ARHGEF11: variants seen among roughly 807,000 people sequenced by gnomAD.
The protein encoded by ARHGEF11 is Rho guanine nucleotide exchange factor 11.
In ARHGEF11, 55 loss-of-function variants were observed where a neutral mutation model predicts 193.7. The observed-to-expected ratio is 0.28, with a 90% CI of 0.23 to 0.36. ARHGEF11 has a LOEUF of 0.36. ARHGEF11 is among the 10% of genes least tolerant of loss of function. The pLI is 1.00. For missense variants in ARHGEF11, 1,723 were observed against 2,005.6 expected (o/e 0.86, Z 2.69); for synonymous variants, 693 against 768.0 (o/e 0.90, Z 1.62).
chr1:156,996,724 G>C (rs1666549047), intron 1 of ARHGEF11, among the ~76,000 whole-genome samples: 1 of 124,192 alleles, frequency 8.1e-6, no homozygotes, highest in Admixed American at 1.0e-4. Flanking sequence ...AGTGAGCCGA[G>C]ATCACGCCAC....
At position 156,936,946 on chromosome 1, in the gene ARHGEF11, G is replaced by A. The variant is rs1445459756; in HGVS notation, c.4500C>T (p.Gly1500=). 1.9e-6 allele frequency: 3 copies of A among 1,614,106 alleles called. No individual in the cohort carries two copies. In the Admixed American group the frequency reaches 5.0e-5, roughly 27 times the overall value. ...LKSLGGESSG[G]TTPVGSFHTE... is the part of the protein sequence containing the mutation. ...TGTGGAAACTGCCCACAGGCGTGGT[G>A]CCACCAGATGACTCTCCCCCAAGGG... Residue 1500 remains glycine, a synonymous_variant, in exon 40 of 41, where the codon GGC becomes GGT. Coordinates refer to ENST00000368194, the MANE Select transcript of ARHGEF11 (RefSeq NM_198236.3).
intron 1 of ARHGEF11, among the ~76,000 whole-genome samples, chr1:157,042,767 GT>G (rs1482777879): frequency 1.3e-5 from 2 of 152,132 alleles, no homozygotes; most frequent in Non-Finnish European, 2.9e-5. Context: ...CAAAACTTGG[GT>G]TCCCATCTTC....
intron 1 of ARHGEF11, among the ~76,000 whole-genome samples, chr1:157,035,567 G>A (rs1450656384): frequency 2.6e-5 from 4 of 151,696 alleles, no homozygotes; most frequent in Admixed American, 1.3e-4. Flanking sequence ...CACCACGTGC[G>A]GCTAATTTTG....
At chr1:156,959,168 G>T (rs759142850) in intron 15 of ARHGEF11, 26 bp from the exon 16 acceptor site, 10 of 1,604,142 alleles carry the variant, frequency 6.2e-6, no homozygotes, top group Non-Finnish European at 8.5e-6. Flanking sequence ...AGAGAAAGCA[G>T]AGTGGATGGG....
At chr1:156,957,674 C>A in intron 18 of ARHGEF11, 118 bp downstream of exon 18, 1 of 1,161,384 alleles carries the variant, frequency 8.6e-7, no homozygotes, top group South Asian at 1.3e-5. Context: ...AACCACGGTC[C>A]TTCATGGTTG....
Position 157,045,377 on chromosome 1 carries a change from C to CG in ARHGEF11, c.-1048dup, listed in dbSNP as rs1673210472. The CG allele has an allele frequency of 6.6e-6, 1 of 152,340 alleles. No homozygotes were observed. The highest frequency in any genetic ancestry group is 2.4e-5 in the African/African-American group (1 of 41,442). The allele number at this position is 152,340 out of a possible 1,614,324, so 9.4% of individuals were successfully genotyped here. A position where few individuals can be genotyped will look rare whatever the true frequency, so the allele number is the denominator to read the frequency against. ...ATGAAACGGAGATTTCGCTTCCTCC[C>CG]GTTCCCCCTTCTCTCTCCCTCTCTC... On this transcript the variant is annotated 5_prime_UTR_variant, in exon 1 of 41. Coordinates refer to ENST00000368194, the MANE Select transcript of ARHGEF11 (RefSeq NM_198236.3).
chr1:156,978,229 C>G lies in ARHGEF11; in HGVS notation c.485G>C (p.Arg162Pro). 1.2e-6 allele frequency: 2 copies of G among 1,614,052 alleles called. No homozygotes were observed. The highest frequency in any genetic ancestry group is 1.7e-6 in the Non-Finnish European group (2 of 1,179,994). Residue 162 changes from arginine to proline, a missense_variant, in exon 6 of 41, where the codon CGC (arginine) becomes CCC (proline). Around this residue, in one of 5 missense-constraint regions of ARHGEF11, gnomAD observed 646 missense variants for 710.7 expected, o/e 0.91. Transcript: ENST00000368194. ...CTGCAGAGGTTTGGGTCCTGTGATG[C>G]GTTGTGGAGGTGGTAGAGGTGGAGG... ...PPPPPLPPPQ[R>P]ITGPKPLQDP...
intron 1 of ARHGEF11, among the ~76,000 whole-genome samples, chr1:157,023,686 A>C (rs950366907): frequency 5.3e-5 from 8 of 152,142 alleles, no homozygotes; most frequent in African/African-American, 1.7e-4. Context: ...GAATCATTTG[A>C]AACAGGGAGG....
chr1:156,982,641 T>C (rs990340406), intron 3 of ARHGEF11, among the ~76,000 whole-genome samples: 1 of 152,186 alleles, frequency 6.6e-6, no homozygotes, highest in Non-Finnish European at 1.5e-5. Context: ...TCTCTGGGTC[T>C]GACTCTGCTC....
intron 1 of ARHGEF11, among the ~76,000 whole-genome samples, chr1:157,011,294 G>A (rs1462843381): frequency 6.6e-6 from 1 of 152,106 alleles, no homozygotes; most frequent in African/African-American, 2.4e-5. Context: ...GCAAAATAAT[G>A]AAGCTAGACC....
Position 156,939,657 on chromosome 1 carries a change from G to C in ARHGEF11, c.3987C>G (p.Pro1329=), listed in dbSNP as rs756264591. 1.2e-6 allele frequency: 2 copies of C among 1,613,928 alleles called. No individual in the cohort carries two copies. The highest frequency in any genetic ancestry group is 1.7e-6 in the Non-Finnish European group (2 of 1,180,024). ...DMGLCSLEHL[P]PRTRNSGIWE... ...ATATCCCAGAATTTCTGGTCCTTGG[G>C]GGTAGGTGTTCCAGAGAACAGAGAC... The change falls in exon 37 of 41, where the codon CCC becomes CCG. Residue 1329 remains proline (P), a synonymous_variant. Transcript: ENST00000368194.
intron 19 of ARHGEF11, among the ~76,000 whole-genome samples, 156 bp downstream of exon 19, chr1:156,956,264 G>C (rs1374370290): frequency 6.6e-6 from 1 of 152,098 alleles, no homozygotes; most frequent in Admixed American, 6.6e-5. Flanking sequence ...TTATAGGCAT[G>C]CACCACTATG....
rs149811785 is a variant in ARHGEF11 at position 156,998,506 on chromosome 1, T to A, written c.33-12333A>T. ...TTTTCTGCGAACCTCAGTTTTCTCA[T>A]CTACAAAATGGGAATACTAGCCACC... is the stretch of plus-strand genomic sequence containing the variant. On this transcript the variant is annotated intron_variant, in intron 1 of 40. Coordinates refer to ENST00000368194, the MANE Select transcript of ARHGEF11 (RefSeq NM_198236.3). Among the ~76,000 whole-genome samples, 950 of 152,290 alleles carry A rather than the reference T, an allele frequency of 6.2e-3. 9 individuals carry two copies. The highest frequency in any genetic ancestry group is 0.021 in the African/African-American group (881 of 41,554).
chr1:156,981,552 C>A (rs1664176540), intron 3 of ARHGEF11, among the ~76,000 whole-genome samples: 1 of 152,230 alleles, frequency 6.6e-6, no homozygotes, highest in Non-Finnish European at 1.5e-5. Flanking sequence ...TTTTGGCTCA[C>A]CGCAGCCTCA....
intron 3 of ARHGEF11, 118 bp from the exon 4 acceptor site, chr1:156,980,604 T>C: frequency 2.6e-6 from 3 of 1,164,626 alleles, no homozygotes; most frequent in African/African-American, 1.5e-5. Context: ...GTGTTAAGTA[T>C]CTCAAATTCT....
chr1:156,965,173 A>C (rs139721383), intron 11 of ARHGEF11, among the ~76,000 whole-genome samples: 1 of 152,344 alleles, frequency 6.6e-6, no homozygotes, highest in African/African-American at 2.4e-5. Context: ...CTTAGTTTTC[A>C]GAAGATGAAA....
intron 1 of ARHGEF11, among the ~76,000 whole-genome samples, chr1:157,013,964 C>T (rs1315549613): frequency 6.6e-6 from 1 of 152,230 alleles, no homozygotes; most frequent in African/African-American, 2.4e-5. Context: ...GAGAAAAGCT[C>T]CCATTTTCGG....
At chr1:156,951,860 T>A (rs1659163247) in intron 21 of ARHGEF11, among the ~76,000 whole-genome samples, 161 bp from the exon 22 acceptor site, 1 of 152,202 alleles carries the variant, frequency 6.6e-6, no homozygotes, top group Admixed American at 6.5e-5. Context: ...CTGGCTCTTC[T>A]ATGAATATGC....
chr1:156,974,076 C>CT (rs764547003), intron 7 of ARHGEF11, among the ~76,000 whole-genome samples: 158 of 146,310 alleles, frequency 1.1e-3, no homozygotes, highest in East Asian at 5.5e-3. Context: ...TTTTCTTTTT[C>CT]TTTTTTTTTT....
Sources: allele counts gnomAD v4.1 joint callset (sites outside exome capture counted in the v4.1 genomes callset), GRCh38; gene constraint gnomAD v4.1.1; regional missense constraint gnomAD v4.1.1; transcripts MANE v1.5; gene names NCBI Gene and HGNC (gene_info 2026-07-23, HGNC 2026-07-21).